The following ZNF888 variants were observed in gnomAD, a reference collection of about 807,000 sequenced individuals.
The protein encoded by ZNF888 is zinc finger protein 888.
A neutral mutation model predicts 7.2 loss-of-function variants in ZNF888; 5 were observed. That is an observed-to-expected ratio of 0.70 (90% CI 0.36 to 1.46). The LOEUF (loss-of-function observed/expected upper bound fraction) is 1.46, where lower values mean the gene tolerates loss of function less well. Ranked by LOEUF, ZNF888 falls within the 40% of genes most tolerant of loss-of-function variation. The pLI is 0.03. For missense variants in ZNF888, 716 were observed against 858.0 expected (o/e 0.83, Z 2.07); for synonymous variants, 240 against 284.3 (o/e 0.84, Z 1.57).
intron 4 of ZNF888, among the ~76,000 whole-genome samples, chr19:52,912,492 G>A (rs1405759311): frequency 6.6e-6 from 1 of 150,512 alleles, no homozygotes; most frequent in African/African-American, 2.4e-5. Context: ...TTGGGAGGCT[G>A]AGGTGGGAGG....
chr19:52,912,510 G>A (rs1237323360), intron 4 of ZNF888, among the ~76,000 whole-genome samples: 3 of 146,878 alleles, frequency 2.0e-5, no homozygotes, highest in African/African-American at 7.5e-5. Context: ...AGGATCACGT[G>A]GTCAGGAGAT....
chr19:52,920,256 A>G lies in ZNF888; in HGVS notation c.-177-1319T>C, dbSNP rs1471835254. The stretch of plus-strand genomic sequence containing the variant: ...GTTTTGTGGAATAGAAAGGCGGGAA[A>G]GGTGGGGAAAAAATTGAGAGGCCGG... On this transcript the variant is annotated intron_variant, in intron 1 of 4. Transcript: ENST00000638862. Among the ~76,000 whole-genome samples, 18 of 65,356 alleles carry G rather than the reference A, an allele frequency of 2.8e-4. 6 individuals carry two copies. Among genetic ancestry groups the G allele is most frequent in the South Asian group, 1.4e-3 (3 of 2,098 alleles). 42.9% of individuals were successfully genotyped at this position (65,356 alleles called of 152,430 possible). A position where few individuals can be genotyped will look rare whatever the true frequency, so the allele number is the denominator to read the frequency against.
At position 52,905,484 on chromosome 19, in the gene ZNF888, C is replaced by A. The variant is rs1413028225; in HGVS notation, c.*681G>T. On this transcript the variant is annotated 3_prime_UTR_variant, in exon 5 of 5. Coordinates refer to ENST00000638862, the MANE Select transcript of ZNF888 (RefSeq NM_001393938.1). ...TCTGTATCTGTTTTTGTTAAAGAAA[C>A]AAAAAACAGGCTGGGAAAAGTGGCT... The A allele has an allele frequency of 7.4e-5, 12 of 161,570 alleles. No individual in the cohort carries two copies. Among genetic ancestry groups the A allele is most frequent in the South Asian group, 3.3e-4 (2 of 6,144 alleles). The allele number at this position is 161,570 out of a possible 1,614,324, so 10.0% of individuals were successfully genotyped here. A position where few individuals can be genotyped will look rare whatever the true frequency, so the allele number is the denominator to read the frequency against.
chr19:52,914,324 G>C (rs2064719263), intron 4 of ZNF888: 2 of 984,140 alleles, frequency 2.0e-6, no homozygotes, highest in African/African-American at 3.5e-5. Context: ...CCACCCATCT[G>C]GACTTTTTTG....
At chr19:52,916,642 A>ATACATATATATATAT (rs2064755083) in intron 3 of ZNF888, among the ~76,000 whole-genome samples, 2 of 84,544 alleles carry the variant, frequency 2.4e-5, no homozygotes, top group African/African-American at 8.3e-5. Context: ...ATATATATAT[A>ATACATATATATATAT]GGTTTTAAAT....
At chr19:52,910,341 C>A (rs143112774) in intron 4 of ZNF888, among the ~76,000 whole-genome samples, 5 of 151,860 alleles carry the variant, frequency 3.3e-5, no homozygotes, top group African/African-American at 1.2e-4. Flanking sequence ...TGCATGGTGG[C>A]GGGTGCCTTT....
At chr19:52,912,575 A>AAAG (rs1212250862) in intron 4 of ZNF888, among the ~76,000 whole-genome samples, 2 of 150,806 alleles carry the variant, frequency 1.3e-5, no homozygotes, top group Non-Finnish European at 3.0e-5. Flanking sequence ...AAAAAAAAAA[A>AAAG]AAAAATTAGC....
intron 3 of ZNF888, among the ~76,000 whole-genome samples, chr19:52,916,613 T>TAA: frequency 1.7e-5 from 1 of 58,380 alleles, no homozygotes; most frequent in East Asian, 3.6e-4. Context: ...CATATACATA[T>TAA]ACATATATAT....
At chr19:52,921,687 G>A (rs990550674) in intron 1 of ZNF888, 11 of 983,046 alleles carry the variant, frequency 1.1e-5, no homozygotes, top group Non-Finnish European at 1.3e-5. Flanking sequence ...TTGAAAATAG[G>A]GAGGCCGAGG....
chr19:52,922,246 G>T (rs4362178), intron 1 of ZNF888, among the ~76,000 whole-genome samples: 50,796 of 128,996 alleles, frequency 0.39, 9,805 homozygotes, highest in African/African-American at 0.58. Flanking sequence ...AATGTCCATA[G>T]ATTTCCACCT....
chr19:52,911,007 A>G (rs1223080432), intron 4 of ZNF888, among the ~76,000 whole-genome samples: 3 of 151,850 alleles, frequency 2.0e-5, no homozygotes, highest in African/African-American at 7.3e-5. Flanking sequence ...CAACCTCCCA[A>G]GTCTGGGATT....
chr19:52,908,741 G>C (rs2064640573), intron 4 of ZNF888, among the ~76,000 whole-genome samples: 2 of 151,834 alleles, frequency 1.3e-5, no homozygotes, highest in South Asian at 4.1e-4. Context: ...AGGTACTCGG[G>C]AGGCTGAGGC....
At chr19:52,912,385 T>C (rs1244679541) in intron 4 of ZNF888, among the ~76,000 whole-genome samples, 2 of 150,964 alleles carry the variant, frequency 1.3e-5, no homozygotes, top group African/African-American at 4.9e-5. Flanking sequence ...AGTGCTGGGA[T>C]TACAGGCATG....
Position 52,906,243 on chromosome 19 carries a change from A to T in ZNF888, c.2079T>A (p.Ser693Arg). The change falls in exon 5 of 5, where the codon AGT (serine) becomes AGA (arginine). Residue 693 changes from serine (S) to arginine (R), a missense_variant. By Grantham distance (110) the Ser-to-Arg change is moderately radical (BLOSUM62 -1). Transcript: ENST00000638862. ...GTGCACGAAAGGCTTTGCCACACTC[A>T]CTACACTTGAAAGGTTTCTCTCCAG... ...IHTGEKPFKCSECGKAFRAQS... is the reference protein window; with the variant it reads ...IHTGEKPFKCRECGKAFRAQS... 1 of 1,601,844 alleles carries T rather than the reference A, an allele frequency of 6.2e-7. No homozygotes were observed. The highest frequency in any genetic ancestry group is 8.5e-7 in the Non-Finnish European group (1 of 1,178,032).
rs1568744407 is a variant in ZNF888, at chr19:52,912,335, T to TTG, written c.142+2860_142+2861insCA. 1.1e-4 allele frequency among the ~76,000 whole-genome samples: 15 copies of TTG among 141,764 alleles called. 1 individual carries two copies. The highest frequency in any genetic ancestry group is 6.8e-4 in the South Asian group (3 of 4,422). The allele number at this position is 141,764 out of a possible 152,430, so 93.0% of individuals were successfully genotyped here. Reference sequence around the variant, plus strand: ...TCACCATGTTAGCCAGGATGGCCTCTATCTCCTGACCTCGTGATCCGCCCC... The same window carrying TTG: ...TCACCATGTTAGCCAGGATGGCCTCTTGATCTCCTGACCTCGTGATCCGCCCC... On this transcript the variant is annotated intron_variant, in intron 4 of 4. Transcript: ENST00000638862.
At chr19:52,918,001 T>C in intron 2 of ZNF888, 70 bp from the exon 3 acceptor site, 2 of 1,555,020 alleles carry the variant, frequency 1.3e-6, no homozygotes, top group Non-Finnish European at 1.7e-6. Context: ...CCCCTCCCTG[T>C]AAAACAACGA....
At position 52,918,889 on chromosome 19, in the gene ZNF888, A is replaced by G; in HGVS notation, c.-129T>C. On this transcript the variant is annotated 5_prime_UTR_variant, in exon 2 of 5. Transcript: ENST00000638862. ...AACCCAGGAGACAGAGGTTGCAGTG[A>G]GCCAAGATCATGACAGTGCACTCAC... 1.3e-5 allele frequency: 2 copies of G among 151,910 alleles called. No individual in the cohort carries two copies. Among genetic ancestry groups the G allele is most frequent in the Non-Finnish European group, 2.9e-5 (2 of 68,092 alleles). The allele number at this position is 151,910 out of a possible 1,614,324, so 9.4% of individuals were successfully genotyped here.
At chr19:52,911,742 A>T (rs1031322955) in intron 4 of ZNF888, among the ~76,000 whole-genome samples, 2 of 152,240 alleles carry the variant, frequency 1.3e-5, no homozygotes, top group Non-Finnish European at 2.9e-5. Context: ...TAAACAAAGG[A>T]AGTTAAGAGC....
chr19:52,914,730 G>A (rs903683703), intron 4 of ZNF888, among the ~76,000 whole-genome samples: 1 of 152,162 alleles, frequency 6.6e-6, no homozygotes, highest in Non-Finnish European at 1.5e-5. Flanking sequence ...GCAGTGGTGT[G>A]TTCTCGGCTC....
Sources: allele counts gnomAD v4.1 joint callset (sites outside exome capture counted in the v4.1 genomes callset), GRCh38; gene constraint gnomAD v4.1.1; transcripts MANE v1.5; gene names NCBI Gene and HGNC (gene_info 2026-07-23, HGNC 2026-07-21).